Variants in KCNK2 observed in about 807,000 individuals in gnomAD.
KCNK2 encodes potassium channel subfamily K member 2.
Under a neutral mutation model 40.5 loss-of-function variants are expected in KCNK2, and 21 were observed. The ratio of observed to expected loss-of-function variants is 0.52; its 90% CI spans 0.37 to 0.75. KCNK2 has a LOEUF of 0.75. KCNK2 is among the 30% of genes least tolerant of loss of function. The pLI is 0.00. For missense variants in KCNK2, 399 were observed against 531.6 expected, an observed-to-expected ratio of 0.75 and a Z score of 2.45; for synonymous variants, 191 against 202.2, an observed-to-expected ratio of 0.94 and a Z score of 0.47.
intron 2 of KCNK2, among the ~76,000 whole-genome samples, chr1:215,088,522 C>G (rs1179478326): frequency 6.7e-6 from 1 of 149,944 alleles, no homozygotes; most frequent in Admixed American, 6.6e-5. Flanking sequence ...GCCTCTGATT[C>G]ATGTAGTTGC....
At chr1:215,170,106 A>T (rs1663634617) in intron 4 of KCNK2, among the ~76,000 whole-genome samples, 1 of 152,210 alleles carries the variant, frequency 6.6e-6, no homozygotes. Context: ...TAACATAAGT[A>T]GTAAATGACT....
chr1:215,219,612 G>A (rs1666092013), intron 6 of KCNK2, among the ~76,000 whole-genome samples: 1 of 152,128 alleles, frequency 6.6e-6, no homozygotes, highest in African/African-American at 2.4e-5. Context: ...ATGACAGAAG[G>A]TGCTGTCTGC....
chr1:215,173,691 G>A (rs1450228533), intron 5 of KCNK2, among the ~76,000 whole-genome samples: 1 of 152,134 alleles, frequency 6.6e-6, no homozygotes, highest in Non-Finnish European at 1.5e-5. Context: ...GTCTCATTGT[G>A]GTTTTGATTT....
intron 3 of KCNK2, among the ~76,000 whole-genome samples, chr1:215,164,726 A>G (rs537326815): frequency 7.9e-5 from 12 of 152,208 alleles, no homozygotes; most frequent in African/African-American, 2.9e-4. Context: ...AGGGTCACTT[A>G]TCGTGTGCAG....
At chr1:215,222,170 C>A (rs537018761) in intron 6 of KCNK2, among the ~76,000 whole-genome samples, 2 of 152,206 alleles carry the variant, frequency 1.3e-5, no homozygotes, top group Non-Finnish European at 2.9e-5. Context: ...CATCTCCCCC[C>A]AGTCCCCACC....
intron 3 of KCNK2, among the ~76,000 whole-genome samples, chr1:215,137,236 G>A (rs1391344346): frequency 2.0e-5 from 3 of 152,104 alleles, no homozygotes; most frequent in African/African-American, 4.8e-5. Context: ...TCAATATCAC[G>A]ATGATAAAAA....
Position 215,169,231 on chromosome 1 carries a change from G to A in KCNK2, c.508G>A (p.Gly170Ser), listed in dbSNP as rs781364297. 6.2e-6 allele frequency: 10 copies of A among 1,610,434 alleles called. No homozygotes were observed. Among genetic ancestry groups the A allele is most frequent in the Admixed American group, 1.7e-5 (1 of 59,258 alleles). ...FGNISPRTEG[G>S]KIFCIIYALL... ...AAACATCTCACCACGCACAGAAGGCGGCAAAATATTCTGTATCATCTATGC... is the reference window on the plus strand; with the variant it reads ...AAACATCTCACCACGCACAGAAGGCAGCAAAATATTCTGTATCATCTATGC... Residue 170 changes from glycine to serine, a missense_variant, in exon 4 of 7, where the codon GGC (glycine) becomes AGC (serine). Gly to Ser is a moderately conservative substitution (Grantham distance 56). Transcript: ENST00000444842.
intron 2 of KCNK2, among the ~76,000 whole-genome samples, chr1:215,095,434 G>C (rs915753364): frequency 2.0e-5 from 3 of 152,090 alleles, no homozygotes; most frequent in Non-Finnish European, 4.4e-5. Flanking sequence ...GTCTTGCTTT[G>C]TTAGGAAACA....
chr1:215,096,243 T>G (rs149084881), intron 2 of KCNK2, among the ~76,000 whole-genome samples: 16 of 151,982 alleles, frequency 1.1e-4, no homozygotes, highest in African/African-American at 3.9e-4. Flanking sequence ...CACACATGAT[T>G]TTACACGTAT....
chr1:215,124,603 G>A (rs771157792), intron 2 of KCNK2, 30 bp from the exon 3 acceptor site: 1 of 1,270,524 alleles, frequency 7.9e-7, no homozygotes, highest in Non-Finnish European at 1.2e-6. Context: ...TGATTCATGT[G>A]TACTGATAAA....
intron 1 of KCNK2, among the ~76,000 whole-genome samples, chr1:215,052,388 T>C (rs985717934): frequency 3.9e-5 from 6 of 152,218 alleles, no homozygotes; most frequent in African/African-American, 1.4e-4. Context: ...AAAAGGACTG[T>C]AGTGGTCCAA....
intron 1 of KCNK2, among the ~76,000 whole-genome samples, chr1:215,074,812 G>C (rs1571885514): frequency 1.3e-5 from 2 of 152,168 alleles, no homozygotes; most frequent in Admixed American, 6.6e-5. Context: ...TAAATATGCT[G>C]TGTTCATTTC....
intron 3 of KCNK2, among the ~76,000 whole-genome samples, chr1:215,154,779 A>C (rs1290798242): frequency 6.6e-6 from 1 of 152,106 alleles, no homozygotes; most frequent in Non-Finnish European, 1.5e-5. Flanking sequence ...GAAGGGGTCC[A>C]GTTTCAGTTT....
chr1:215,047,176 A>G (rs1657807148), intron 1 of KCNK2, among the ~76,000 whole-genome samples: 1 of 152,146 alleles, frequency 6.6e-6, no homozygotes, highest in African/African-American at 2.4e-5. Context: ...GATTTAACAC[A>G]GAAAATGGAC....
At chr1:215,140,935 CT>C (rs1662144569) in intron 3 of KCNK2, among the ~76,000 whole-genome samples, 1 of 152,048 alleles carries the variant, frequency 6.6e-6, no homozygotes, top group Non-Finnish European at 1.5e-5. Context: ...CATTTTACAG[CT>C]GTACAAAAAT....
chr1:215,151,422 T>C (rs1662680618), intron 3 of KCNK2, among the ~76,000 whole-genome samples: 1 of 152,124 alleles, frequency 6.6e-6, no homozygotes, highest in Non-Finnish European at 1.5e-5. Context: ...CAGTACCCTG[T>C]CCAATACCAT....
chr1:215,173,788 A>G (rs1663828339), intron 5 of KCNK2, among the ~76,000 whole-genome samples: 1 of 152,112 alleles, frequency 6.6e-6, no homozygotes, highest in African/African-American at 2.4e-5. Flanking sequence ...GTGTCTGTTC[A>G]TATCCTTTGC....
At chr1:215,024,361 G>A (rs914803218) in intron 1 of KCNK2, among the ~76,000 whole-genome samples, 4 of 152,166 alleles carry the variant, frequency 2.6e-5, no homozygotes, top group African/African-American at 9.6e-5. Context: ...TACGGTTAGT[G>A]CACAGTTTTA....
At chr1:215,053,375 G>A (rs150741179) in intron 1 of KCNK2, among the ~76,000 whole-genome samples, 161 of 152,294 alleles carry the variant, frequency 1.1e-3, no homozygotes, top group African/African-American at 3.6e-3. Context: ...AATGTTTGAG[G>A]CTCTGGCGTG....
Sources: allele counts gnomAD v4.1 joint callset (sites outside exome capture counted in the v4.1 genomes callset), GRCh38; gene constraint gnomAD v4.1.1; transcripts MANE v1.5; gene names NCBI Gene and HGNC (gene_info 2026-07-23, HGNC 2026-07-21).